The following RASA4 variants were observed in gnomAD, a reference collection of about 807,000 sequenced individuals.
RASA4 encodes the protein RAS p21 protein activator 4.
RASA4 carries 5 observed loss-of-function variants against 24.0 expected under a neutral mutation model. The observed-to-expected ratio is 0.21, with a 90% CI of 0.11 to 0.44. The LOEUF is 0.44. Ranked by LOEUF, RASA4 falls within the 20% of genes least tolerant of loss-of-function variation. The probability of loss-of-function intolerance (pLI) is 0.99; values close to 1 mark genes in which losing one functional copy is unlikely to be tolerated. For missense variants in RASA4, 38 were observed against 293.0 expected, an observed-to-expected ratio of 0.13 and a Z score of 6.35; for synonymous variants, 9 against 132.7, an observed-to-expected ratio of 0.07 and a Z score of 6.41.
intron 16 of RASA4, 129 bp downstream of exon 16, chr7:102,592,156 T>TACA: frequency 2.6e-6 from 1 of 378,288 alleles, no homozygotes; most frequent in African/African-American, 2.2e-5. Flanking sequence ...TGACAAGCAG[T>TACA]ACAGATGCCA....
intron 17 of RASA4, among the ~76,000 whole-genome samples, chr7:102,588,952 C>CTT (rs138710001): frequency 3.3e-5 from 1 of 30,412 alleles, no homozygotes; most frequent in African/African-American, 8.6e-5. Flanking sequence ...TCACAATTTG[C>CTT]TTTTTTTTTT....
chr7:102,602,991 C>T (rs1332159218), intron 5 of RASA4, among the ~76,000 whole-genome samples: 2 of 150,750 alleles, frequency 1.3e-5, no homozygotes, highest in African/African-American at 4.9e-5. Context: ...GACGGAGTCT[C>T]GCTCTGTCGC....
intron 5 of RASA4, among the ~76,000 whole-genome samples, chr7:102,603,551 G>A (rs1790464828): frequency 6.6e-6 from 1 of 152,082 alleles, no homozygotes; most frequent in Admixed American, 6.6e-5. Flanking sequence ...ACTGGAGTGA[G>A]CCACTGCACC....
intron 11 of RASA4, among the ~76,000 whole-genome samples, chr7:102,594,940 C>T (rs1156965201): frequency 9.6e-5 from 5 of 52,008 alleles, no homozygotes; most frequent in African/African-American, 2.0e-4. Flanking sequence ...AGTGCAGTGG[C>T]GTGAGCTCAC....
At chr7:102,597,768 G>A (rs1486477919) in intron 8 of RASA4, among the ~76,000 whole-genome samples, 1 of 128,876 alleles carries the variant, frequency 7.8e-6, no homozygotes, top group African/African-American at 2.6e-5. Context: ...AGGCTGGAGT[G>A]CAGTGGTGGG....
rs1340787221 is a variant in RASA4, at chr7:102,589,935, TAGCACCCAGGCCATTCCCAC to T, written c.1968+204_1968+223del. On this transcript the variant is annotated intron_variant, in intron 17 of 20. Transcript: ENST00000262940. Reference sequence around the variant, plus strand: ...TCCCACAGAGCTCAGGCCACTCCCATAGCACCCAGGCCATTCCCACAGCACCCAGGGCATTCCCATAGCAT... The same window carrying T: ...TCCCACAGAGCTCAGGCCACTCCCATAGCACCCAGGGCATTCCCATAGCAT... Among the ~76,000 whole-genome samples the T allele has an allele frequency of 3.9e-3, 251 of 64,234 alleles. 1 individual carries two copies. The highest frequency in any genetic ancestry group is 0.014 in the African/African-American group (233 of 16,816). 42.1% of individuals were successfully genotyped at this position (64,234 alleles called of 152,430 possible). A position where few individuals can be genotyped will look rare whatever the true frequency, so the allele number is the denominator to read the frequency against.
At chr7:102,590,793 A>C (rs1789945779) in intron 16 of RASA4, among the ~76,000 whole-genome samples, 1 of 142,556 alleles carries the variant, frequency 7.0e-6, no homozygotes, top group African/African-American at 2.9e-5. Context: ...ATACAAAATT[A>C]GCCGGGCATG....
chr7:102,603,130 T>A (rs1790437523), intron 5 of RASA4, among the ~76,000 whole-genome samples: 1 of 131,906 alleles, frequency 7.6e-6, no homozygotes. Flanking sequence ...CCAGCTAATT[T>A]TCGTATTTTC....
At chr7:102,597,991 C>T (rs1217175314) in intron 8 of RASA4, among the ~76,000 whole-genome samples, 4 of 92,452 alleles carry the variant, frequency 4.3e-5, no homozygotes, top group African/African-American at 1.3e-4. Flanking sequence ...TCACCACGCC[C>T]AGCGGTTATT....
chr7:102,602,933 C>T (rs1263504139), intron 5 of RASA4, among the ~76,000 whole-genome samples: 1 of 150,362 alleles, frequency 6.7e-6, no homozygotes, highest in African/African-American at 2.5e-5. Flanking sequence ...TGGGTCTTTA[C>T]ACAGCCCTAG....
intron 8 of RASA4, 61 bp from the exon 9 acceptor site, chr7:102,596,190 T>C (rs1790216849): frequency 8.0e-7 from 1 of 1,248,378 alleles, no homozygotes; most frequent in Non-Finnish European, 1.1e-6. Flanking sequence ...ACCACACCAC[T>C]CCCACGGCCT....
chr7:102,580,388 CCT>C lies in RASA4; in HGVS notation c.*2381_*2382del, dbSNP rs1789632370. On this transcript the variant is annotated 3_prime_UTR_variant, in exon 21 of 21. Coordinates refer to ENST00000262940, the MANE Select transcript of RASA4 (RefSeq NM_006989.6). ...AAAAATTTCAAGTCTCCTTTATTTTCCTTTTTTTTTTTTTTTTTTTTTTAATT... is the reference window on the plus strand; with the variant it reads ...AAAAATTTCAAGTCTCCTTTATTTTCTTTTTTTTTTTTTTTTTTTTTAATT... 1.6e-5 allele frequency: 1 copy of C among 62,412 alleles called. No homozygotes were observed. Among genetic ancestry groups the C allele is most frequent in the African/African-American group, 4.1e-5 (1 of 24,186 alleles). The allele number at this position is 62,412 out of a possible 1,614,324, so 3.9% of individuals were successfully genotyped here.
rs1554346378 is a variant in RASA4 at position 102,603,860 on chromosome 7, A to AAAC, written c.429-1456_429-1455insGTT. Among the ~76,000 whole-genome samples the AAAC allele has an allele frequency of 6.2e-4, 61 of 98,664 alleles. 5 individuals carry two copies. Among genetic ancestry groups the AAAC allele is most frequent in the South Asian group, 1.1e-3 (3 of 2,796 alleles). The allele number at this position is 98,664 out of a possible 152,430, so 64.7% of individuals were successfully genotyped here. ...CCTCAAAAAAAAAAAAAAAAAAAAA[A>AAAC]CCACCAAAAAAAAAAAAACAGCCCG... On this transcript the variant is annotated intron_variant, in intron 5 of 20. Coordinates refer to ENST00000262940, the MANE Select transcript of RASA4 (RefSeq NM_006989.6).
chr7:102,596,606 T>G (rs1790240542), intron 8 of RASA4, among the ~76,000 whole-genome samples: 1 of 63,276 alleles, frequency 1.6e-5, no homozygotes, highest in African/African-American at 3.2e-5. Flanking sequence ...GTGGACCAAG[T>G]GGGAACCTCT....
chr7:102,603,865 CAA>C (rs60895813), intron 5 of RASA4, among the ~76,000 whole-genome samples: 1 of 80,200 alleles, frequency 1.2e-5, no homozygotes. Context: ...AAAAAACCAC[CAA>C]AAAAAAAAAA....
chr7:102,580,411 T>TTTTA lies in RASA4; in HGVS notation c.*2359_*2360insTAAA, dbSNP rs1562789009. 2.6e-5 allele frequency: 2 copies of TTTTA among 77,034 alleles called. No homozygotes were observed. Among genetic ancestry groups the TTTTA allele is most frequent in the Non-Finnish European group, 6.4e-5 (2 of 31,148 alleles). The allele number at this position is 77,034 out of a possible 1,614,324, so 4.8% of individuals were successfully genotyped here. On this transcript the variant is annotated 3_prime_UTR_variant, in exon 21 of 21. Transcript: ENST00000262940. ...TTCCTTTTTTTTTTTTTTTTTTTTT[T>TTTTA]AATTTTAGGGACTAGGTTTTGCTAT... is the stretch of plus-strand genomic sequence containing the variant.
chr7:102,603,187 C>T (rs1366459941), intron 5 of RASA4, among the ~76,000 whole-genome samples: 2 of 140,442 alleles, frequency 1.4e-5, no homozygotes, highest in South Asian at 2.4e-4. Flanking sequence ...CGTCGAACTC[C>T]TGACCTCAGG....
In RASA4 at chr7:102,605,881, TAG is replaced by T; in HGVS notation, c.403_404del (p.Leu135ThrfsTer20). On this transcript the variant is annotated frameshift_variant, in exon 5 of 21. Coordinates refer to ENST00000262940, the MANE Select transcript of RASA4 (RefSeq NM_006989.6). LOFTEE classifies it high-confidence loss of function. ...EVWPGARACR[L>X]RCSVLEARDL... is the part of the protein sequence containing the mutation. ...ACCTGGCCTCCAGCACAGAGCAGCG[TAG>T]CCGGCAGGCCCGGGCCCCTGGCCAC... 6.4e-7 allele frequency: 1 copy of T among 1,574,338 alleles called. No homozygotes were observed.
intron 5 of RASA4, among the ~76,000 whole-genome samples, chr7:102,605,119 G>A (rs1172565801): frequency 2.1e-5 from 3 of 142,864 alleles, no homozygotes. Flanking sequence ...GAGATTTTCA[G>A]CAACTCTTTT....
Sources: gnomAD v4.1 joint callset for allele counts (sites outside exome capture counted in the v4.1 genomes callset) on GRCh38, gnomAD v4.1.1 for gene constraint, MANE v1.5 for transcripts, NCBI Gene and HGNC (gene_info 2026-07-23, HGNC 2026-07-21) for gene names.